Variants in SEPTIN6 observed in about 807,000 individuals in gnomAD.
SEPTIN6 encodes the protein septin-6.
In SEPTIN6, 8 loss-of-function variants were observed where a neutral mutation model predicts 33.6. That is an observed-to-expected ratio of 0.24 (90% confidence interval 0.14 to 0.43). The LOEUF (loss-of-function observed/expected upper bound fraction) is 0.43, where lower values mean the gene tolerates loss of function less well. SEPTIN6 is among the 20% of genes least tolerant of loss of function. SEPTIN6 has a pLI of 1.00. For synonymous variants in SEPTIN6, 131 were observed against 140.0 expected, an observed-to-expected ratio of 0.94 and a Z score of 0.45; for missense variants, 250 against 340.8, an observed-to-expected ratio of 0.73 and a Z score of 2.10.
chrX:119,649,645 G>A (rs149232423), intron 5 of SEPTIN6, among the ~76,000 whole-genome samples: 3,452 of 110,279 alleles, frequency 0.031, 67 homozygotes, highest in Non-Finnish European at 0.045. Flanking sequence ...GCTGAGGCAG[G>A]AGGATCGCTT....
chrX:119,661,824 G>A (rs1165908326), intron 3 of SEPTIN6, among the ~76,000 whole-genome samples: 1 of 111,849 alleles, frequency 8.9e-6, no homozygotes. Flanking sequence ...CTGCAACCCT[G>A]CCTCCCGGAT....
At chrX:119,688,431 G>A (rs939533569) in intron 1 of SEPTIN6, among the ~76,000 whole-genome samples, 11 of 111,327 alleles carry the variant, frequency 9.9e-5, no homozygotes, top group African/African-American at 3.3e-4. Flanking sequence ...ATCCCAGGCC[G>A]GGCGCTGTGG....
In SEPTIN6 at chrX:119,619,733, C is replaced by T; in HGVS notation, c.*360G>A. ...AGCAACCAGAACTGGAACAGGGGAG[C>T]TGGTGGGAAAGAGTAGCAGATGGGC... On this transcript the variant is annotated 3_prime_UTR_variant, in exon 11 of 11. Transcript: ENST00000394610. The T allele has an allele frequency of 1.0e-6, 1 of 970,424 alleles. No homozygotes were observed. The highest frequency in any genetic ancestry group is 1.3e-6 in the Non-Finnish European group (1 of 773,411). 80.0% of individuals were successfully genotyped at this position (970,424 alleles called of 1,213,427 possible). A position where few individuals can be genotyped will look rare whatever the true frequency, so the allele number is the denominator to read the frequency against.
intron 9 of SEPTIN6, 142 bp from the exon 10 acceptor site, chrX:119,625,521 G>T: frequency 2.0e-6 from 1 of 506,724 alleles, no homozygotes; most frequent in East Asian, 3.7e-5. Context: ...TGGACTGGTA[G>T]GAACCCCTGA....
At chrX:119,640,998 G>A (rs895565282) in intron 5 of SEPTIN6, among the ~76,000 whole-genome samples, 9 of 112,484 alleles carry the variant, frequency 8.0e-5, no homozygotes, top group African/African-American at 2.9e-4. Context: ...ATTCACAATA[G>A]AGGGTAACAA....
chrX:119,647,460 TCTTTCCTTTCCTTTCTCTCTCTC>T (rs2054279983), intron 5 of SEPTIN6, among the ~76,000 whole-genome samples: 1 of 97,918 alleles, frequency 1.0e-5, no homozygotes, highest in Admixed American at 1.2e-4. Context: ...ACTTTCTTTT[TCTTTCCTTTCCTTTCTCTCTCTC>T]TTTTTTTTTT....
chrX:119,625,464 A>C, intron 9 of SEPTIN6, 85 bp from the exon 10 acceptor site: 1 of 911,691 alleles, frequency 1.1e-6, no homozygotes. Flanking sequence ...ATGAAGGGTT[A>C]GAGGTCAAAG....
intron 1 of SEPTIN6, among the ~76,000 whole-genome samples, chrX:119,679,094 C>T (rs966370402): frequency 7.3e-5 from 8 of 110,202 alleles, no homozygotes; most frequent in Admixed American, 6.8e-4. Flanking sequence ...TGCCCACCAC[C>T]GCACCCGGCT....
intron 10 of SEPTIN6, among the ~76,000 whole-genome samples, chrX:119,624,971 A>G (rs1295045945): frequency 1.8e-5 from 2 of 111,515 alleles, no homozygotes; most frequent in Non-Finnish European, 3.8e-5. Context: ...TCGGCCTACC[A>G]AAGTGCTGGG....
chrX:119,644,962 C>T (rs2054222750), intron 5 of SEPTIN6, among the ~76,000 whole-genome samples: 1 of 106,053 alleles, frequency 9.4e-6, no homozygotes, highest in Admixed American at 1.0e-4. Flanking sequence ...GGCTGGAGTG[C>T]AATGGCACGA....
chrX:119,663,567 A>C lies in SEPTIN6; in HGVS notation c.256T>G (p.Tyr86Asp), dbSNP rs960522238. ...CTCACGTTGCTCTCTTGGAGGTCAT[A>C]GGTATTAGACTGGAGCTGGACACCC... ...QPGVQLQSNT[Y>D]DLQESNVRLK... Residue 86 changes from tyrosine (Y) to aspartate (D), a missense_variant, in exon 3 of 11, where the codon TAT becomes GAT. This residue lies in a region of SEPTIN6 where 111 missense variants were observed against 113.8 expected (regional missense o/e 0.98). Transcript: ENST00000394610. 5 of 1,209,783 alleles carry C rather than the reference A, an allele frequency of 4.1e-6. No individual in the cohort carries two copies. The highest frequency in any genetic ancestry group is 5.6e-6 in the Non-Finnish European group (5 of 894,720).
intron 7 of SEPTIN6, among the ~76,000 whole-genome samples, chrX:119,634,641 C>T (rs1315488159): frequency 3.6e-5 from 4 of 111,110 alleles, no homozygotes; most frequent in African/African-American, 9.8e-5. Flanking sequence ...GTACTAGATC[C>T]AATTTGAAAA....
intron 2 of SEPTIN6, among the ~76,000 whole-genome samples, chrX:119,670,182 C>T (rs1180982560): frequency 9.0e-6 from 1 of 111,367 alleles, no homozygotes; most frequent in African/African-American, 3.3e-5. Context: ...GGAACCTCAC[C>T]TCTTCGGTAA....
chrX:119,679,574 C>G (rs1268955659), intron 1 of SEPTIN6, among the ~76,000 whole-genome samples: 4 of 111,837 alleles, frequency 3.6e-5, no homozygotes, highest in African/African-American at 1.3e-4. Context: ...AAGGGATGAG[C>G]CTCTGCCGGG....
intron 1 of SEPTIN6, among the ~76,000 whole-genome samples, chrX:119,676,612 A>G (rs2054846576): frequency 9.0e-6 from 1 of 111,706 alleles, no homozygotes; most frequent in South Asian, 3.7e-4. Context: ...TCTACAAAAA[A>G]TCAAAAATTA....
At chrX:119,667,461 T>G (rs780769898) in intron 2 of SEPTIN6, among the ~76,000 whole-genome samples, 1 of 111,169 alleles carries the variant, frequency 9.0e-6, no homozygotes, top group East Asian at 2.8e-4. Context: ...ATAATGAACG[T>G]CTGGAAGAAA....
At chrX:119,640,609 C>T in intron 6 of SEPTIN6, 83 bp downstream of exon 6, 1 of 795,083 alleles carries the variant, frequency 1.3e-6, no homozygotes, top group Non-Finnish European at 1.9e-6. Context: ...AATTTAGAAA[C>T]TTGTCATATA....
At chrX:119,684,482 GTTTTTTTTT>G (rs1199777223) in intron 1 of SEPTIN6, among the ~76,000 whole-genome samples, 1 of 79,451 alleles carries the variant, frequency 1.3e-5, no homozygotes, top group Non-Finnish European at 2.4e-5. Flanking sequence ...GTTCCCAGAG[GTTTTTTTTT>G]TTTTTTTTTT....
chrX:119,661,339 G>A lies in SEPTIN6; in HGVS notation c.341+2143C>T, dbSNP rs1355678031. Among the ~76,000 whole-genome samples, 4 of 110,510 alleles carry A rather than the reference G, an allele frequency of 3.6e-5. No individual in the cohort carries two copies. In the Admixed American group the frequency reaches 3.9e-4, roughly 11 times the overall value. ...CCAGCTACTCGGGAGGCTGAGGCAG[G>A]AGAATGGCGTGAACCCAGGAGGCGG... On this transcript the variant is annotated intron_variant, in intron 3 of 10. Transcript: ENST00000394610.
Sources: gnomAD v4.1 joint callset for allele counts (sites outside exome capture counted in the v4.1 genomes callset) on GRCh38, gnomAD v4.1.1 for gene constraint, gnomAD v4.1.1 regional missense constraint, MANE v1.5 for transcripts, NCBI Gene and HGNC (gene_info 2026-07-23, HGNC 2026-07-21) for gene names.